Variants in C1orf21 observed in about 807,000 individuals in gnomAD.
C1orf21 encodes uncharacterized protein C1orf21.
A neutral mutation model predicts 18.7 loss-of-function variants in C1orf21; 3 were observed. The observed-to-expected ratio is 0.16, with a 90% CI of 0.07 to 0.42. C1orf21 has a LOEUF of 0.42. C1orf21 is among the 10% of genes least tolerant of loss of function. C1orf21 has a pLI of 0.99. For missense variants in C1orf21, 104 were observed against 143.6 expected (o/e 0.72, Z 1.41); for synonymous variants, 41 against 46.4 (o/e 0.88, Z 0.47).
At chr1:184,425,880 G>A (rs1490516470) in intron 1 of C1orf21, among the ~76,000 whole-genome samples, 2 of 152,154 alleles carry the variant, frequency 1.3e-5, no homozygotes, top group African/African-American at 2.4e-5. Flanking sequence ...CCACACTTCC[G>A]CCACTAGAAG....
At chr1:184,614,902 T>C (rs1463268001) in intron 5 of C1orf21, among the ~76,000 whole-genome samples, 1 of 152,210 alleles carries the variant, frequency 6.6e-6, no homozygotes, top group African/African-American at 2.4e-5. Context: ...GCTCACTTCA[T>C]GCTGTGTGGC....
At chr1:184,616,727 G>A (rs980802719) in intron 5 of C1orf21, among the ~76,000 whole-genome samples, 1 of 24,622 alleles carries the variant, frequency 4.1e-5, no homozygotes, top group South Asian at 1.1e-3. Flanking sequence ...TTGTGTGCAC[G>A]TGTGTGTGTG....
intron 1 of C1orf21, among the ~76,000 whole-genome samples, chr1:184,463,082 CAAAAAA>C (rs397982231): frequency 1.2e-5 from 1 of 80,318 alleles, no homozygotes; most frequent in Non-Finnish European, 2.5e-5. Context: ...GACTCCATCT[CAAAAAA>C]AAAAAAAAAA....
At chr1:184,587,160 G>A (rs1659365594) in intron 3 of C1orf21, among the ~76,000 whole-genome samples, 1 of 151,742 alleles carries the variant, frequency 6.6e-6, no homozygotes, top group South Asian at 2.1e-4. Flanking sequence ...TTTTGTACCA[G>A]TACCATGCTG....
At chr1:184,588,592 A>G (rs1571291361) in intron 3 of C1orf21, among the ~76,000 whole-genome samples, 1 of 152,174 alleles carries the variant, frequency 6.6e-6, no homozygotes, top group South Asian at 2.1e-4. Context: ...CATCTGTAAA[A>G]TGGGGATAAT....
In C1orf21 at chr1:184,620,141, T is replaced by C. The variant is rs1659894146; in HGVS notation, c.*585T>C. On this transcript the variant is annotated 3_prime_UTR_variant, in exon 6 of 6. Transcript: ENST00000235307. ...ATTATCAATTAAAAGCATGCTGTGA[T>C]GTGACTCCTGGAAGTGACGTAGGAG... The C allele has an allele frequency of 6.6e-6, 1 of 152,670 alleles. No homozygotes were observed. Among genetic ancestry groups the C allele is most frequent in the African/African-American group, 2.4e-5 (1 of 41,450 alleles). 9.5% of individuals were successfully genotyped at this position (152,670 alleles called of 1,614,324 possible). A position where few individuals can be genotyped will look rare whatever the true frequency, so the allele number is the denominator to read the frequency against.
intron 3 of C1orf21, among the ~76,000 whole-genome samples, chr1:184,518,132 G>A (rs1020534339): frequency 4.6e-5 from 7 of 152,158 alleles, no homozygotes; most frequent in Admixed American, 2.6e-4. Flanking sequence ...GCACATTCAA[G>A]GTCTTAGAGA....
At chr1:184,577,948 T>TC (rs1349326719) in intron 3 of C1orf21, among the ~76,000 whole-genome samples, 2 of 79,368 alleles carry the variant, frequency 2.5e-5, no homozygotes, top group Non-Finnish European at 4.6e-5. Flanking sequence ...TTTTGTTTTG[T>TC]TTTTGTTTTT....
chr1:184,434,757 G>T (rs1480655327), intron 1 of C1orf21, among the ~76,000 whole-genome samples: 2 of 152,200 alleles, frequency 1.3e-5, no homozygotes, highest in Non-Finnish European at 2.9e-5. Context: ...AAACGAACTG[G>T]CCACGTCTAA....
At position 184,619,486 on chromosome 1, in the gene C1orf21, T is replaced by G. The variant is rs1402734040; in HGVS notation, c.328-32T>G. On this transcript the variant is annotated intron_variant, in intron 5 of 5. Transcript: ENST00000235307. The stretch of plus-strand genomic sequence containing the variant: ...TTCAGGCTCTGCTTTGAATTTCTCA[T>G]TCACATGCTCTTTTTTCTTTTTCCC... The G allele has an allele frequency of 3.7e-6, 6 of 1,609,120 alleles. No individual in the cohort carries two copies. In the Admixed American group the frequency reaches 1.0e-4, roughly 27 times the overall value.
chr1:184,619,378 C>A, intron 5 of C1orf21, 140 bp from the exon 6 acceptor site: 1 of 829,146 alleles, frequency 1.2e-6, no homozygotes, highest in Non-Finnish European at 1.9e-6. Flanking sequence ...ACGTAGCTAC[C>A]CCTGTGCCAG....
At chr1:184,518,207 T>A (rs1011871189) in intron 3 of C1orf21, among the ~76,000 whole-genome samples, 7 of 152,332 alleles carry the variant, frequency 4.6e-5, no homozygotes, top group African/African-American at 1.7e-4. Flanking sequence ...TCTCTAAGGA[T>A]GAGAGATTTA....
chr1:184,544,003 G>T (rs1337109511), intron 3 of C1orf21, among the ~76,000 whole-genome samples: 1 of 152,090 alleles, frequency 6.6e-6, no homozygotes, highest in African/African-American at 2.4e-5. Flanking sequence ...CAGACATTTG[G>T]TTGCCATTTG....
chr1:184,620,258 A>G lies in C1orf21; in HGVS notation c.*702A>G, dbSNP rs1184995691. 5 of 152,662 alleles carry G rather than the reference A, an allele frequency of 3.3e-5. No homozygotes were observed. Among genetic ancestry groups the G allele is most frequent in the East Asian group, 1.9e-4 (1 of 5,194 alleles). The allele number at this position is 152,662 out of a possible 1,614,324, so 9.5% of individuals were successfully genotyped here. A position where few individuals can be genotyped will look rare whatever the true frequency, so the allele number is the denominator to read the frequency against. On this transcript the variant is annotated 3_prime_UTR_variant, in exon 6 of 6. Transcript: ENST00000235307. The stretch of plus-strand genomic sequence containing the variant: ...CTCAGATGCAGATGGAAGTGTGATC[A>G]CAATCATTTTGAATCCCTCTTCCTC...
At chr1:184,521,789 C>T (rs941784063) in intron 3 of C1orf21, among the ~76,000 whole-genome samples, 7 of 151,530 alleles carry the variant, frequency 4.6e-5, no homozygotes, top group Non-Finnish European at 8.8e-5. Context: ...CTGGGGATCT[C>T]GGTATAGAAT....
At chr1:184,508,945 A>G (rs1557990035) in intron 3 of C1orf21, among the ~76,000 whole-genome samples, 1 of 152,218 alleles carries the variant, frequency 6.6e-6, no homozygotes, top group Non-Finnish European at 1.5e-5. Context: ...GGATAAATCG[A>G]AGACCTGAGT....
At chr1:184,411,454 C>T (rs375371327) in intron 1 of C1orf21, among the ~76,000 whole-genome samples, 1 of 127,628 alleles carries the variant, frequency 7.8e-6, no homozygotes, top group Non-Finnish European at 1.6e-5. Context: ...CGGAGTCTCA[C>T]TCTGTCGCCC....
intron 5 of C1orf21, among the ~76,000 whole-genome samples, chr1:184,601,295 C>T (rs1659581435): frequency 6.6e-6 from 1 of 152,152 alleles, no homozygotes; most frequent in East Asian, 1.9e-4. Flanking sequence ...TTGATGCAGC[C>T]TTTGCATTTA....
At chr1:184,579,816 T>G (rs1048052203) in intron 3 of C1orf21, among the ~76,000 whole-genome samples, 8 of 152,138 alleles carry the variant, frequency 5.3e-5, no homozygotes, top group Non-Finnish European at 1.0e-4. Flanking sequence ...GCCCAAGATT[T>G]TCTTAAAGTA....
Sources: gnomAD v4.1 joint callset for allele counts (sites outside exome capture counted in the v4.1 genomes callset) on GRCh38, gnomAD v4.1.1 for gene constraint, MANE v1.5 for transcripts, NCBI Gene and HGNC (gene_info 2026-07-23, HGNC 2026-07-21) for gene names.